NAALADL2: variants seen among roughly 807,000 people sequenced by gnomAD.
NAALADL2 encodes inactive N-acetylated-alpha-linked acidic dipeptidase-like protein 2.
In NAALADL2, 76 loss-of-function variants were observed where a neutral mutation model predicts 87.2. The observed-to-expected ratio is 0.87, with a 90% confidence interval of 0.72 to 1.05. NAALADL2 has a LOEUF of 1.05. Among genes scored for constraint, NAALADL2 ranks in the 50% least tolerant of loss-of-function variants. NAALADL2 has a pLI of 0.00. For missense variants in NAALADL2, 1,089 were observed against 945.8 expected (o/e 1.15, Z -1.99); for synonymous variants, 354 against 331.0 (o/e 1.07, Z -0.75).
intron 3 of NAALADL2, among the ~76,000 whole-genome samples, chr3:174,753,257 T>G (rs1354029743): frequency 6.6e-6 from 1 of 152,138 alleles, no homozygotes; most frequent in Admixed American, 6.5e-5. Flanking sequence ...TGTATTTTTA[T>G]TAGAGTTGGG....
chr3:175,247,751 C>T (rs1748253549), intron 3 of NAALADL2, among the ~76,000 whole-genome samples: 1 of 152,180 alleles, frequency 6.6e-6, no homozygotes, highest in African/African-American at 2.4e-5. Context: ...AAGCACAACC[C>T]TTGTGCAACT....
intron 3 of NAALADL2, among the ~76,000 whole-genome samples, chr3:174,839,999 G>T (rs1723831760): frequency 6.6e-6 from 1 of 151,996 alleles, no homozygotes; most frequent in Non-Finnish European, 1.5e-5. Flanking sequence ...TCCCACTACT[G>T]GGTATCTACC....
At chr3:175,093,410 ATT>A (rs201364351) in intron 1 of NAALADL2, among the ~76,000 whole-genome samples, 5 of 86,760 alleles carry the variant, frequency 5.8e-5, no homozygotes, top group African/African-American at 1.9e-4. Flanking sequence ...AGTTCATTTT[ATT>A]TTTTTATATA....
chr3:175,701,814 G>A lies in NAALADL2; in HGVS notation c.1897-35492G>A, dbSNP rs180692715. Among the ~76,000 whole-genome samples, 166 of 152,192 alleles carry A rather than the reference G, an allele frequency of 1.1e-3. 7 individuals carry two copies. The East Asian group carries it at 0.028, about 26-fold the overall frequency. ...ATGTATTCAACAGGATGGCATTATT[G>A]TAATTGAATTAACTTCTCTATTTAG... is the stretch of plus-strand genomic sequence containing the variant. On this transcript the variant is annotated intron_variant, in intron 11 of 13. Transcript: ENST00000454872.
rs188885069 is a variant in NAALADL2 at position 174,487,843 on chromosome 3, G to C, written c.-184+46811G>C. 1.3e-4 allele frequency among the ~76,000 whole-genome samples: 20 copies of C among 152,070 alleles called. No individual in the cohort carries two copies. In the East Asian group the frequency reaches 3.9e-3, roughly 29 times the overall value. On this transcript the variant is annotated intron_variant, in intron 1 of 3. Coordinates refer to the NAALADL2 transcript ENST00000434257. Reference sequence around the variant, plus strand: ...TGTATTTGATTTGGTGACATAAATAGAGAGATTATCTGTTTTTGAGCATAG... The same window carrying C: ...TGTATTTGATTTGGTGACATAAATACAGAGATTATCTGTTTTTGAGCATAG...
rs1726368602 is a variant in NAALADL2, at chr3:175,122,958, A to G, written c.545+25667A>G. Among the ~76,000 whole-genome samples, 4 of 151,898 alleles carry G rather than the reference A, an allele frequency of 2.6e-5. No homozygotes were observed. In the South Asian group the frequency reaches 8.3e-4, roughly 31 times the overall value. On this transcript the variant is annotated intron_variant, in intron 2 of 13. Coordinates refer to ENST00000454872, the MANE Select transcript of NAALADL2 (RefSeq NM_207015.3). ...AAGAGAATGTCAGCAAGAGAAAGGCAAAAAGGGAGCCAAACTCATCTTTTT... is the reference window on the plus strand; with the variant it reads ...AAGAGAATGTCAGCAAGAGAAAGGCGAAAAGGGAGCCAAACTCATCTTTTT...
chr3:175,567,018 G>T (rs1031730829), intron 9 of NAALADL2, among the ~76,000 whole-genome samples: 4 of 152,010 alleles, frequency 2.6e-5, no homozygotes, highest in African/African-American at 9.7e-5. Flanking sequence ...TTATGATTTA[G>T]ATTTTTACAT....
At chr3:175,300,337 T>C (rs148485881) in intron 4 of NAALADL2, among the ~76,000 whole-genome samples, 2,021 of 152,316 alleles carry the variant, frequency 0.013, 48 homozygotes, top group African/African-American at 0.046. Context: ...TCTTTTTCTA[T>C]TGTTTGGAAT....
chr3:175,649,523 G>A (rs920599771), intron 11 of NAALADL2, among the ~76,000 whole-genome samples: 3 of 152,198 alleles, frequency 2.0e-5, no homozygotes, highest in Non-Finnish European at 4.4e-5. Context: ...TAGTTCTGGA[G>A]GCGGGGAAGT....
chr3:175,774,860 AAAT>A (rs1206164831), intron 13 of NAALADL2: 5 of 152,100 alleles, frequency 3.3e-5, no homozygotes, highest in Non-Finnish European at 5.9e-5. Flanking sequence ...AATATTCAGC[AAAT>A]AATAAAATGA....
At chr3:174,549,188 T>C (rs1048706640) in intron 1 of NAALADL2, among the ~76,000 whole-genome samples, 1 of 152,240 alleles carries the variant, frequency 6.6e-6, no homozygotes, top group Non-Finnish European at 1.5e-5. Flanking sequence ...CAATGCAACT[T>C]TAAAGAAAAT....
intron 2 of NAALADL2, among the ~76,000 whole-genome samples, chr3:174,626,011 A>G (rs1721537884): frequency 6.6e-6 from 1 of 152,078 alleles, no homozygotes; most frequent in African/African-American, 2.4e-5. Flanking sequence ...AATATAAAAT[A>G]AAATGGTTTC....
intron 4 of NAALADL2, among the ~76,000 whole-genome samples, chr3:175,285,888 A>G (rs1041710424): frequency 6.6e-6 from 1 of 152,178 alleles, no homozygotes; most frequent in African/African-American, 2.4e-5. Context: ...AGTAAATTTG[A>G]TTAAGAAAAT....
intron 6 of NAALADL2, among the ~76,000 whole-genome samples, chr3:175,450,742 T>C (rs561522390): frequency 2.0e-5 from 3 of 152,268 alleles, no homozygotes; most frequent in African/African-American, 7.2e-5. Context: ...ACTCATAAAA[T>C]GTTGATGGGA....
intron 2 of NAALADL2, among the ~76,000 whole-genome samples, chr3:174,606,714 G>C (rs1010526402): frequency 9.2e-5 from 14 of 152,256 alleles, no homozygotes; most frequent in African/African-American, 3.4e-4. Flanking sequence ...TGAAAGTGAT[G>C]GGGAGAATGG....
At chr3:175,339,439 A>G (rs185625620) in intron 5 of NAALADL2, among the ~76,000 whole-genome samples, 4 of 152,354 alleles carry the variant, frequency 2.6e-5, no homozygotes, top group South Asian at 2.1e-4. Flanking sequence ...GGTTATAAAT[A>G]CAATCTGTTC....
chr3:174,748,699 T>A (rs1342560320), intron 3 of NAALADL2, among the ~76,000 whole-genome samples: 1 of 152,190 alleles, frequency 6.6e-6, no homozygotes, highest in Admixed American at 6.5e-5. Context: ...AACTCAATTT[T>A]TGATACCAGA....
chr3:174,702,620 G>A (rs758433672), intron 2 of NAALADL2, among the ~76,000 whole-genome samples: 1 of 152,172 alleles, frequency 6.6e-6, no homozygotes, highest in African/African-American at 2.4e-5. Flanking sequence ...ACACAGCTAG[G>A]CTATGATATA....
chr3:174,625,158 A>C (rs1397124165), intron 2 of NAALADL2, among the ~76,000 whole-genome samples: 1 of 148,280 alleles, frequency 6.7e-6, no homozygotes, highest in African/African-American at 2.5e-5. Context: ...TCCTAGGCTC[A>C]AGTGATTCTC....
Sources: allele counts gnomAD v4.1 joint callset (sites outside exome capture counted in the v4.1 genomes callset), GRCh38; gene constraint gnomAD v4.1.1; transcripts MANE v1.5; gene names NCBI Gene and HGNC (gene_info 2026-07-23, HGNC 2026-07-21).